The following MLYCD variants were observed in gnomAD, a reference collection of about 807,000 sequenced individuals.
MLYCD encodes the protein malonyl-CoA decarboxylase.
MLYCD carries 27 observed loss-of-function variants against 35.8 expected under a neutral mutation model. The observed-to-expected ratio is 0.75, with a 90% CI of 0.56 to 1.04. The LOEUF (loss-of-function observed/expected upper bound fraction) is 1.04, where lower values mean the gene tolerates loss of function less well. Among genes scored for constraint, MLYCD ranks in the 50% least tolerant of loss-of-function variants. MLYCD has a pLI of 0.00. For missense variants in MLYCD, 917 were observed against 665.1 expected (o/e 1.38, Z -4.17); for synonymous variants, 403 against 302.4 (o/e 1.33, Z -3.45).
At chr16:83,905,940 T>G (rs1906958348) in intron 1 of MLYCD, among the ~76,000 whole-genome samples, 1 of 152,232 alleles carries the variant, frequency 6.6e-6, no homozygotes, top group African/African-American at 2.4e-5. Flanking sequence ...TCAGTGCAGA[T>G]GTATCTTGGG....
chr16:83,901,109 G>T (rs1238959153), intron 1 of MLYCD, among the ~76,000 whole-genome samples: 1 of 152,190 alleles, frequency 6.6e-6, no homozygotes, highest in Non-Finnish European at 1.5e-5. Flanking sequence ...ACAGCGCTAA[G>T]TGTTACTGAG....
intron 3 of MLYCD, among the ~76,000 whole-genome samples, chr16:83,910,190 G>C (rs375503461): frequency 6.7e-6 from 1 of 150,160 alleles, no homozygotes; most frequent in Non-Finnish European, 1.5e-5. Context: ...TGGAGTAATT[G>C]GTTATTTTTT....
At chr16:83,904,049 G>T (rs1262535140) in intron 1 of MLYCD, among the ~76,000 whole-genome samples, 1 of 152,200 alleles carries the variant, frequency 6.6e-6, no homozygotes, top group Non-Finnish European at 1.5e-5. Context: ...CAGTTCTCGT[G>T]TACCAGTGTC....
In MLYCD at chr16:83,925,584, C is replaced by T. The variant is rs960119350; in HGVS notation, c.*10095C>T. The T allele has an allele frequency of 6.6e-6, 1 of 152,504 alleles. No homozygotes were observed. Among genetic ancestry groups the T allele is most frequent in the African/African-American group, 2.4e-5 (1 of 41,462 alleles). The allele number at this position is 152,504 out of a possible 1,614,324, so 9.4% of individuals were successfully genotyped here. A position where few individuals can be genotyped will look rare whatever the true frequency, so the allele number is the denominator to read the frequency against. ...CTCTCCTCTCCTTTCCTACCTCCCA[C>T]CATCCCCGTCACCCTCCCTGTCACA... On this transcript the variant is annotated 3_prime_UTR_variant, in exon 5 of 5. Coordinates refer to ENST00000262430, the MANE Select transcript of MLYCD (RefSeq NM_012213.3).
At chr16:83,907,137 T>C in intron 2 of MLYCD, 38 bp downstream of exon 2, 1 of 1,490,954 alleles carries the variant, frequency 6.7e-7, no homozygotes, top group Non-Finnish European at 9.4e-7. Context: ...GTACATACAT[T>C]TTTCATATAT....
intron 3 of MLYCD, among the ~76,000 whole-genome samples, chr16:83,911,053 TG>T (rs1297743723): frequency 6.6e-6 from 1 of 152,198 alleles, no homozygotes; most frequent in African/African-American, 2.4e-5. Context: ...CTCGGCTCCC[TG>T]CAACCTCCGC....
Position 83,899,304 on chromosome 16 carries a change from T to A in MLYCD, c.160T>A (p.Tyr54Asn), listed in dbSNP as rs1348666284. 34 of 1,488,368 alleles carry A rather than the reference T, an allele frequency of 2.3e-5. No homozygotes were observed. Among genetic ancestry groups the A allele is most frequent in the Non-Finnish European group, 2.9e-5 (33 of 1,125,962 alleles). The allele number at this position is 1,488,368 out of a possible 1,614,324, so 92.2% of individuals were successfully genotyped here. A position where few individuals can be genotyped will look rare whatever the true frequency, so the allele number is the denominator to read the frequency against. ...CCGCGCGGTGCCGCCGACGCCGGCC[T>A]ACGAGCTGCGCGAGAAGACACCGGC... ...LRRAVPPTPA[Y>N]ELREKTPAPA... The change falls in exon 1 of 5, where the codon TAC becomes AAC. Residue 54 changes from tyrosine to asparagine, a missense_variant. By Grantham distance (143) the Tyr-to-Asn change is moderately radical (BLOSUM62 -2). Transcript: ENST00000262430.
At chr16:83,908,375 CTTTTT>C in intron 3 of MLYCD, 93 bp downstream of exon 3, 2 of 1,174,702 alleles carry the variant, frequency 1.7e-6, no homozygotes, top group South Asian at 1.6e-5. Flanking sequence ...TTTTATCCTC[CTTTTT>C]TTTTTTTTTA....
intron 4 of MLYCD, 78 bp from the exon 5 acceptor site, chr16:83,914,878 G>C: frequency 1.3e-6 from 2 of 1,592,164 alleles, no homozygotes; most frequent in Non-Finnish European, 1.7e-6. Flanking sequence ...TAGGTTAAGA[G>C]GTGCTCCTCT....
Position 83,924,242 on chromosome 16 carries a change from G to A in MLYCD, c.*8753G>A, listed in dbSNP as rs1907739500. 6.6e-6 allele frequency: 1 copy of A among 152,242 alleles called. No individual in the cohort carries two copies. Among genetic ancestry groups the A allele is most frequent in the African/African-American group, 2.4e-5 (1 of 41,426 alleles). 9.4% of individuals were successfully genotyped at this position (152,242 alleles called of 1,614,324 possible). A position where few individuals can be genotyped will look rare whatever the true frequency, so the allele number is the denominator to read the frequency against. The stretch of plus-strand genomic sequence containing the variant: ...AGCCCGGGCCGTGGTGGGAACGATG[G>A]TTGGCCCGGTTTGGAGATGGGGGAT... On this transcript the variant is annotated 3_prime_UTR_variant, in exon 5 of 5. Coordinates refer to ENST00000262430, the MANE Select transcript of MLYCD (RefSeq NM_012213.3).
chr16:83,903,250 C>T (rs1462690935), intron 1 of MLYCD, among the ~76,000 whole-genome samples: 1 of 152,220 alleles, frequency 6.6e-6, no homozygotes, highest in African/African-American at 2.4e-5. Context: ...CCCACTGCCA[C>T]AGCCACCCGG....
chr16:83,906,860 G>T, intron 1 of MLYCD, 127 bp from the exon 2 acceptor site: 1 of 841,062 alleles, frequency 1.2e-6, no homozygotes. Flanking sequence ...GCTGTTTGGA[G>T]AGTTGTCTTG....
Position 83,924,577 on chromosome 16 carries a change from C to G in MLYCD, c.*9088C>G, listed in dbSNP as rs887628523. On this transcript the variant is annotated 3_prime_UTR_variant, in exon 5 of 5. Transcript: ENST00000262430. Reference sequence around the variant, plus strand: ...GTTCACTGAAGAAAGGCAGCCCTCACTCCTGCTGCTCAGACAGCACCCCCT... The same window carrying G: ...GTTCACTGAAGAAAGGCAGCCCTCAGTCCTGCTGCTCAGACAGCACCCCCT... 2 of 152,218 alleles carry G rather than the reference C, an allele frequency of 1.3e-5. No homozygotes were observed. Among genetic ancestry groups the G allele is most frequent in the Admixed American group, 1.3e-4 (2 of 15,278 alleles). 9.4% of individuals were successfully genotyped at this position (152,218 alleles called of 1,614,324 possible). A position where few individuals can be genotyped will look rare whatever the true frequency, so the allele number is the denominator to read the frequency against.
intron 4 of MLYCD, chr16:83,914,302 T>G (rs979805056): frequency 1.2e-5 from 2 of 165,278 alleles, no homozygotes; most frequent in Non-Finnish European, 2.7e-5. Context: ...TACCCCGTTC[T>G]GCACCCGCCG....
rs1218438439 is a variant in MLYCD at position 83,908,147 on chromosome 16, A to G, written c.663A>G (p.Val221=). 1.9e-6 allele frequency: 3 copies of G among 1,614,192 alleles called. No individual in the cohort carries two copies. Among genetic ancestry groups the G allele is most frequent in the Non-Finnish European group, 2.5e-6 (3 of 1,180,028 alleles). ...KISEAEAVHP[V]KNWMDMKRRV... ...CCAGGGCTGAGGCTGTGCATCCTGT[A>G]AAAAACTGGATGGACATGAAGCGCC... is the stretch of plus-strand genomic sequence containing the variant. The change falls in exon 3 of 5, where the codon GTA becomes GTG. Residue 221 remains valine, a synonymous_variant. Coordinates refer to ENST00000262430, the MANE Select transcript of MLYCD (RefSeq NM_012213.3).
rs147633938 is a variant in MLYCD at position 83,908,715 on chromosome 16, G to A, written c.798+433G>A. 6.6e-3 allele frequency among the ~76,000 whole-genome samples: 1,011 copies of A among 152,312 alleles called. 9 individuals are homozygous for A. Among genetic ancestry groups the A allele is most frequent in the Middle Eastern group, 0.014 (4 of 294 alleles). The stretch of plus-strand genomic sequence containing the variant: ...CCATCCCTTATGCTTGATGTGGGCC[G>A]AGGACACTCCTTGGCGAGTGGAGGT... On this transcript the variant is annotated intron_variant, in intron 3 of 4. Coordinates refer to ENST00000262430, the MANE Select transcript of MLYCD (RefSeq NM_012213.3).
chr16:83,921,261 T>A lies in MLYCD; in HGVS notation c.*5772T>A, dbSNP rs1245015450. On this transcript the variant is annotated 3_prime_UTR_variant, in exon 5 of 5. Coordinates refer to ENST00000262430, the MANE Select transcript of MLYCD (RefSeq NM_012213.3). ...GAAGATGGATGAATAGATGGGTGGG[T>A]GGGTGGATGTTTGGATGGATGGTGG... 7.1e-6 allele frequency: 1 copy of A among 141,590 alleles called. No individual in the cohort carries two copies. The highest frequency in any genetic ancestry group is 1.5e-5 in the Non-Finnish European group (1 of 65,480). 8.8% of individuals were successfully genotyped at this position (141,590 alleles called of 1,614,324 possible).
Position 83,918,883 on chromosome 16 carries a change from ACACTG to A in MLYCD, c.*3398_*3402del, listed in dbSNP as rs1907538086. 7.1e-6 allele frequency: 1 copy of A among 140,000 alleles called. No homozygotes were observed. The highest frequency in any genetic ancestry group is 1.5e-5 in the Non-Finnish European group (1 of 65,948). The allele number at this position is 140,000 out of a possible 1,614,324, so 8.7% of individuals were successfully genotyped here. A position where few individuals can be genotyped will look rare whatever the true frequency, so the allele number is the denominator to read the frequency against. On this transcript the variant is annotated 3_prime_UTR_variant, in exon 5 of 5. Coordinates refer to ENST00000262430, the MANE Select transcript of MLYCD (RefSeq NM_012213.3). Reference sequence around the variant, plus strand: ...CAGAACACAGCCAGTGCACAGGAGAACACTGCACAGGAGAACCACACTGCACAGGA... The same window carrying A: ...CAGAACACAGCCAGTGCACAGGAGAACACAGGAGAACCACACTGCACAGGA...
chr16:83,915,003 T>A lies in MLYCD; in HGVS notation c.996T>A (p.Pro332=), dbSNP rs974334212. ...LGVFSSLSPI[P]GFTKWLLGLL... is the part of the protein sequence containing the mutation. Reference sequence around the variant, plus strand: ...TGTTTTCAAGTCTGTCACCTATACCTGGTTTCACCAAATGGCTTCTGGGGC... The same window carrying A: ...TGTTTTCAAGTCTGTCACCTATACCAGGTTTCACCAAATGGCTTCTGGGGC... The change falls in exon 5 of 5, where the codon CCT becomes CCA. Residue 332 remains proline (P), a synonymous_variant. Transcript: ENST00000262430. The A allele has an allele frequency of 1.9e-6, 3 of 1,614,134 alleles. No homozygotes were observed. The highest frequency in any genetic ancestry group is 2.5e-6 in the Non-Finnish European group (3 of 1,180,062).
Sources: gnomAD v4.1 joint callset for allele counts (sites outside exome capture counted in the v4.1 genomes callset) on GRCh38, gnomAD v4.1.1 for gene constraint, MANE v1.5 for transcripts, NCBI Gene and HGNC (gene_info 2026-07-23, HGNC 2026-07-21) for gene names.